The following CACHD1 variants were observed in gnomAD, a reference collection of about 807,000 sequenced individuals.
CACHD1 encodes the protein VWFA and cache domain-containing protein 1.
Under a neutral mutation model 138.7 loss-of-function variants are expected in CACHD1, and 71 were observed. That is an observed-to-expected ratio of 0.51 (90% confidence interval 0.42 to 0.62). The LOEUF is 0.62. Ranked by LOEUF, CACHD1 falls within the 20% of genes least tolerant of loss-of-function variation. The probability of loss-of-function intolerance (pLI) is 0.00; values close to 1 mark genes in which losing one functional copy is unlikely to be tolerated. For synonymous variants in CACHD1, 578 were observed against 591.5 expected (o/e 0.98, Z 0.33); for missense variants, 1,389 against 1,625.3 (o/e 0.85, Z 2.50).
chr1:64,611,779 G>C (rs1647541355), intron 4 of CACHD1, among the ~76,000 whole-genome samples: 1 of 152,170 alleles, frequency 6.6e-6, no homozygotes. Flanking sequence ...TGGTTACCCA[G>C]TCCCAAAGTC....
At chr1:64,566,289 A>G (rs1646879877) in intron 2 of CACHD1, among the ~76,000 whole-genome samples, 1 of 152,204 alleles carries the variant, frequency 6.6e-6, no homozygotes, top group African/African-American at 2.4e-5. Context: ...TCCATGTAGT[A>G]TATGGCAGGT....
chr1:64,599,140 A>G (rs1001244570), intron 3 of CACHD1, among the ~76,000 whole-genome samples: 2 of 151,992 alleles, frequency 1.3e-5, no homozygotes, highest in African/African-American at 4.8e-5. Flanking sequence ...TACCTTAATC[A>G]TGGACTTCCC....
chr1:64,536,289 T>C (rs565807081), intron 1 of CACHD1, among the ~76,000 whole-genome samples: 1 of 152,270 alleles, frequency 6.6e-6, no homozygotes, highest in South Asian at 2.1e-4. Context: ...CTAGAGTAAA[T>C]GTGGAGCCAG....
rs541013654 is a variant in CACHD1, at chr1:64,595,429, A to G, written c.411-7377A>G. Among the ~76,000 whole-genome samples the G allele has an allele frequency of 2.6e-5, 4 of 152,296 alleles. No homozygotes were observed. The East Asian group carries it at 7.7e-4, about 29-fold the overall frequency. On this transcript the variant is annotated intron_variant, in intron 3 of 26. Coordinates refer to ENST00000651257, the MANE Select transcript of CACHD1 (RefSeq NM_020925.4). ...TCTACCAAGCAAGGGAGAAGGGTAT[A>G]TAAATAAATAACTGTAAAGTGTGTC...
At chr1:64,481,171 G>T (rs2100274036) in intron 1 of CACHD1, among the ~76,000 whole-genome samples, 1 of 152,190 alleles carries the variant, frequency 6.6e-6, no homozygotes, top group African/African-American at 2.4e-5. Flanking sequence ...TATTGTAATT[G>T]TAGAGTGGAA....
intron 1 of CACHD1, among the ~76,000 whole-genome samples, chr1:64,480,585 A>G (rs1646202463): frequency 1.3e-5 from 2 of 152,188 alleles, no homozygotes; most frequent in Admixed American, 1.3e-4. Context: ...TAGACTTACT[A>G]GAATGTTGTT....
intron 9 of CACHD1, among the ~76,000 whole-genome samples, chr1:64,650,786 G>T (rs894722861): frequency 6.6e-6 from 1 of 152,116 alleles, no homozygotes; most frequent in Non-Finnish European, 1.5e-5. Flanking sequence ...GACATCAAGC[G>T]CAGGAAAAAA....
At chr1:64,576,953 A>C (rs375299974) in intron 2 of CACHD1, among the ~76,000 whole-genome samples, 12 of 148,734 alleles carry the variant, frequency 8.1e-5, no homozygotes, top group Admixed American at 1.4e-4. Context: ...TCATATCCCC[A>C]CCTCTTTCTT....
intron 4 of CACHD1, among the ~76,000 whole-genome samples, chr1:64,606,683 G>A (rs1014001812): frequency 1.3e-5 from 2 of 152,314 alleles, no homozygotes; most frequent in African/African-American, 4.8e-5. Context: ...AACTTAGAAA[G>A]TTACTCCAAA....
At chr1:64,633,931 A>C in intron 6 of CACHD1, 113 bp from the exon 7 acceptor site, 1 of 719,986 alleles carries the variant, frequency 1.4e-6, no homozygotes, top group African/African-American at 1.8e-5. Context: ...AAACTCTCAG[A>C]ATCTGTTCTG....
At chr1:64,688,565 C>T (rs1378137054) in intron 26 of CACHD1, among the ~76,000 whole-genome samples, 1 of 152,140 alleles carries the variant, frequency 6.6e-6, no homozygotes, top group Non-Finnish European at 1.5e-5. Flanking sequence ...ACTGCGACTG[C>T]CCTACTTTAT....
At position 64,502,814 on chromosome 1, in the gene CACHD1, C is replaced by G. The variant is rs115863543; in HGVS notation, c.198+31872C>G. ...CCACTTAACCTGTAGTTACATTTCC[C>G]AAACCCAAGTGGCAGCCTTAAAACT... On this transcript the variant is annotated intron_variant, in intron 1 of 26. Coordinates refer to ENST00000651257, the MANE Select transcript of CACHD1 (RefSeq NM_020925.4). Among the ~76,000 whole-genome samples, 537 of 152,220 alleles carry G rather than the reference C, an allele frequency of 3.5e-3. 4 individuals are homozygous for G. Among genetic ancestry groups the G allele is most frequent in the African/African-American group, 0.012 (516 of 41,524 alleles).
At chr1:64,680,420 G>A (rs1650134932) in intron 24 of CACHD1, among the ~76,000 whole-genome samples, 1 of 151,902 alleles carries the variant, frequency 6.6e-6, no homozygotes, top group African/African-American at 2.4e-5. Flanking sequence ...CCCAGGAGAT[G>A]GAAGCTACAG....
chr1:64,668,252 G>A (rs747858612), intron 16 of CACHD1, among the ~76,000 whole-genome samples: 7 of 151,866 alleles, frequency 4.6e-5, no homozygotes, highest in Non-Finnish European at 8.8e-5. Context: ...GCTTGAACCC[G>A]GGAGGCGAAG....
intron 2 of CACHD1, among the ~76,000 whole-genome samples, chr1:64,570,996 C>G (rs1646923522): frequency 6.6e-6 from 1 of 152,114 alleles, no homozygotes; most frequent in South Asian, 2.1e-4. Context: ...CCCAAAATCT[C>G]AAGAGTTGCT....
At chr1:64,620,415 A>C (rs1305601294) in intron 4 of CACHD1, among the ~76,000 whole-genome samples, 2 of 152,204 alleles carry the variant, frequency 1.3e-5, no homozygotes, top group Admixed American at 1.3e-4. Context: ...ATTGTCCCTT[A>C]GAGACAGACC....
In CACHD1 at chr1:64,604,382, G is replaced by C. The variant is rs570058895; in HGVS notation, c.517+1470G>C. 6.6e-5 allele frequency among the ~76,000 whole-genome samples: 10 copies of C among 152,288 alleles called. No individual in the cohort carries two copies. In the East Asian group the frequency reaches 1.7e-3, roughly 27 times the overall value. ...TTTTCATTACAAAAATAACAAAAGA[G>C]GGTAGACAAGGGCATGGAATGGGCA... On this transcript the variant is annotated intron_variant, in intron 4 of 26. Coordinates refer to ENST00000651257, the MANE Select transcript of CACHD1 (RefSeq NM_020925.4).
intron 5 of CACHD1, among the ~76,000 whole-genome samples, chr1:64,632,098 C>T (rs1034296111): frequency 6.6e-6 from 1 of 151,858 alleles, no homozygotes; most frequent in Non-Finnish European, 1.5e-5. Flanking sequence ...GTCTCTCAGC[C>T]CAAGGGACCA....
chr1:64,687,259 T>G (rs2100749693), intron 26 of CACHD1, among the ~76,000 whole-genome samples: 1 of 152,332 alleles, frequency 6.6e-6, no homozygotes, highest in South Asian at 2.1e-4. Flanking sequence ...TCAGCAGAAC[T>G]GCCTGGCACT....
Sources: gnomAD v4.1 joint callset for allele counts (sites outside exome capture counted in the v4.1 genomes callset) on GRCh38, gnomAD v4.1.1 for gene constraint, MANE v1.5 for transcripts, NCBI Gene and HGNC (gene_info 2026-07-23, HGNC 2026-07-21) for gene names.